Variants in GRIA3 observed in about 807,000 individuals in gnomAD.
GRIA3 encodes glutamate receptor 3.
A neutral mutation model predicts 63.0 loss-of-function variants in GRIA3; 3 were observed. The ratio of observed to expected loss-of-function variants is 0.05; its 90% CI spans 0.02 to 0.12. The LOEUF is 0.12. Ranked by LOEUF, GRIA3 falls within the 10% of genes least tolerant of loss-of-function variation. The pLI is 1.00. For missense variants in GRIA3, 347 were observed against 700.9 expected, an observed-to-expected ratio of 0.50 and a Z score of 5.70; for synonymous variants, 274 against 257.9, an observed-to-expected ratio of 1.06 and a Z score of -0.60.
intron 2 of GRIA3, among the ~76,000 whole-genome samples, chrX:123,234,412 C>A (rs1234634961): frequency 8.9e-6 from 1 of 112,011 alleles, no homozygotes; most frequent in Non-Finnish European, 1.9e-5. Context: ...ATCCATTTCA[C>A]AAATGTTTAT....
At chrX:123,330,651 T>G (rs1304950791) in intron 4 of GRIA3, among the ~76,000 whole-genome samples, 1 of 111,745 alleles carries the variant, frequency 8.9e-6, no homozygotes, top group Non-Finnish European at 1.9e-5. Flanking sequence ...CCTTCTCAAG[T>G]ATAAAGAGTT....
chrX:123,258,724 G>A (rs1304097850), intron 3 of GRIA3, among the ~76,000 whole-genome samples: 1 of 111,369 alleles, frequency 9.0e-6, no homozygotes, highest in Non-Finnish European at 1.9e-5. Context: ...GCCCTTTGAG[G>A]CAACTAGTCC....
chrX:123,348,731 C>T (rs1365175115), intron 4 of GRIA3, among the ~76,000 whole-genome samples: 1 of 112,162 alleles, frequency 8.9e-6, no homozygotes, highest in Admixed American at 9.4e-5. Flanking sequence ...ATGTAAATTG[C>T]CTCAGGAAAT....
intron 4 of GRIA3, among the ~76,000 whole-genome samples, chrX:123,348,011 T>G (rs762297880): frequency 9.0e-6 from 1 of 111,653 alleles, no homozygotes; most frequent in East Asian, 2.8e-4. Flanking sequence ...TAACACACAT[T>G]TGAGTAACTA....
At chrX:123,188,282 C>G (rs1434140080) in intron 2 of GRIA3, among the ~76,000 whole-genome samples, 3 of 111,095 alleles carry the variant, frequency 2.7e-5, no homozygotes, top group Non-Finnish European at 5.6e-5. Context: ...GATCTCAAAG[C>G]TGTCTCTAGG....
intron 3 of GRIA3, among the ~76,000 whole-genome samples, chrX:123,298,993 C>T (rs967284498): frequency 1.8e-5 from 2 of 110,877 alleles, no homozygotes; most frequent in African/African-American, 6.6e-5. Flanking sequence ...AATTTTTCTC[C>T]ATTGCTTGTT....
At chrX:123,395,968 A>G (rs892395596) in intron 6 of GRIA3, among the ~76,000 whole-genome samples, 9 of 110,142 alleles carry the variant, frequency 8.2e-5, no homozygotes, top group Admixed American at 7.8e-4. Context: ...CCTTTCCTAG[A>G]AAAGGAAAAG....
chrX:123,447,903 T>A (rs954469179), intron 12 of GRIA3, among the ~76,000 whole-genome samples: 4 of 112,267 alleles, frequency 3.6e-5, no homozygotes, highest in South Asian at 7.4e-4. Flanking sequence ...AACTATTTTT[T>A]AAAAACCTTG....
At chrX:123,274,154 A>C (rs1239304083) in intron 3 of GRIA3, among the ~76,000 whole-genome samples, 1 of 112,678 alleles carries the variant, frequency 8.9e-6, no homozygotes, top group African/African-American at 3.2e-5. Context: ...AATACTTTTT[A>C]AGTATAAGCA....
At chrX:123,247,794 G>A in intron 2 of GRIA3, among the ~76,000 whole-genome samples, 1 of 111,354 alleles carries the variant, frequency 9.0e-6, no homozygotes, top group Non-Finnish European at 1.9e-5. Context: ...GATATCCTGG[G>A]GCTTGGTATG....
intron 5 of GRIA3, among the ~76,000 whole-genome samples, chrX:123,380,171 G>T (rs2045314092): frequency 9.0e-6 from 1 of 111,216 alleles, no homozygotes; most frequent in Non-Finnish European, 1.9e-5. Flanking sequence ...TAATGGGATG[G>T]CTGGGTCAAA....
chrX:123,352,803 C>T (rs181588387), intron 4 of GRIA3, among the ~76,000 whole-genome samples: 1 of 111,040 alleles, frequency 9.0e-6, no homozygotes, highest in East Asian at 2.8e-4. Flanking sequence ...CAAAAGTTAA[C>T]AAATGTCACC....
Position 123,331,124 on chromosome X carries a change from A to G in GRIA3, c.696+4911A>G, listed in dbSNP as rs1414498352. On this transcript the variant is annotated intron_variant, in intron 4 of 15. Coordinates refer to ENST00000620443, the MANE Select transcript of GRIA3 (RefSeq NM_007325.5). ...TCAGCATATCCTCTGCCTAAATTAT[A>G]GCATGTGCTAATCTAGTGGGGCCCA... 5.4e-5 allele frequency among the ~76,000 whole-genome samples: 6 copies of G among 111,878 alleles called. No individual in the cohort carries two copies. In the East Asian group the frequency reaches 1.4e-3, roughly 26 times the overall value.
chrX:123,318,695 T>G, intron 3 of GRIA3, among the ~76,000 whole-genome samples: 1 of 111,905 alleles, frequency 8.9e-6, no homozygotes, highest in East Asian at 2.8e-4. Context: ...TCGACAAGTC[T>G]CTAGGAGGTT....
At chrX:123,347,950 G>T (rs1191575738) in intron 4 of GRIA3, among the ~76,000 whole-genome samples, 1 of 111,865 alleles carries the variant, frequency 8.9e-6, no homozygotes, top group Non-Finnish European at 1.9e-5. Flanking sequence ...TTGAGCCAAT[G>T]AAGGAAGTCT....
intron 13 of GRIA3, among the ~76,000 whole-genome samples, chrX:123,467,258 C>T (rs886098765): frequency 2.1e-4 from 24 of 112,196 alleles, no homozygotes; most frequent in Non-Finnish European, 3.6e-4. Flanking sequence ...CTGGATTGAC[C>T]CTCAAACGTT....
chrX:123,191,745 CTTT>C (rs1927440997), intron 2 of GRIA3, among the ~76,000 whole-genome samples: 1 of 110,816 alleles, frequency 9.0e-6, no homozygotes, highest in African/African-American at 3.3e-5. Context: ...ACCAGAATAC[CTTT>C]ACTCTTGGTC....
intron 3 of GRIA3, among the ~76,000 whole-genome samples, chrX:123,311,000 CA>C (rs34433989): frequency 0.47 from 39,992 of 85,971 alleles, 7,902 homozygotes; most frequent in Middle Eastern, 0.69. Context: ...GAGAATCTGT[CA>C]AAAAAAAAAA....
At chrX:123,266,044 G>A (rs990752221) in intron 3 of GRIA3, among the ~76,000 whole-genome samples, 7 of 111,979 alleles carry the variant, frequency 6.3e-5, no homozygotes, top group African/African-American at 2.3e-4. Flanking sequence ...ATCACTCTTC[G>A]AGGTCTTAAA....
Sources: gnomAD v4.1 joint callset for allele counts (sites outside exome capture counted in the v4.1 genomes callset) on GRCh38, gnomAD v4.1.1 for gene constraint, MANE v1.5 for transcripts, NCBI Gene and HGNC (gene_info 2026-07-23, HGNC 2026-07-21) for gene names.